Variants in MORC1 observed in about 807,000 individuals in gnomAD.
The protein encoded by MORC1 is MORC family CW-type zinc finger 1, also known as MORC family CW-type zinc finger protein 1.
MORC1 carries 59 observed loss-of-function variants against 134.9 expected under a neutral mutation model. The ratio of observed to expected loss-of-function variants is 0.44; its 90% CI spans 0.35 to 0.54. The LOEUF (loss-of-function observed/expected upper bound fraction) is 0.54, where lower values mean the gene tolerates loss of function less well. Ranked by LOEUF, MORC1 falls within the 20% of genes least tolerant of loss-of-function variation. The pLI is 0.00. For missense variants in MORC1, 947 were observed against 1,134.5 expected (o/e 0.83, Z 2.37); for synonymous variants, 395 against 391.7 (o/e 1.01, Z -0.10).
At chr3:109,011,757 G>A (rs1948691117) in intron 17 of MORC1, among the ~76,000 whole-genome samples, 1 of 152,114 alleles carries the variant, frequency 6.6e-6, no homozygotes, top group Admixed American at 6.5e-5. Context: ...CCAACGTCAG[G>A]TGATCCGCCC....
At chr3:109,114,311 T>A (rs575295599) in intron 2 of MORC1, 73 bp downstream of exon 2, 2 of 1,290,790 alleles carry the variant, frequency 1.5e-6, no homozygotes, top group African/African-American at 3.0e-5. Context: ...GATCTTTTTA[T>A]CTTCCCATGT....
At position 109,001,833 on chromosome 3, in the gene MORC1, G is replaced by A. The variant is rs74427951; in HGVS notation, c.2086-1175C>T. Among the ~76,000 whole-genome samples the A allele has an allele frequency of 9.4e-3, 1,424 of 152,194 alleles. 18 individuals are homozygous for A. Among genetic ancestry groups the A allele is most frequent in the African/African-American group, 0.022 (930 of 41,520 alleles). On this transcript the variant is annotated intron_variant, in intron 20 of 27. Coordinates refer to ENST00000232603, the MANE Select transcript of MORC1 (RefSeq NM_014429.4). ...CTCTGAAATCCAGACTCATGTATAT[G>A]ACTTTTCTCTTGGCACATCCTCTTG...
intron 21 of MORC1, among the ~76,000 whole-genome samples, chr3:108,995,267 T>A (rs1948168687): frequency 6.6e-6 from 1 of 152,190 alleles, no homozygotes; most frequent in South Asian, 2.1e-4. Flanking sequence ...CAGACACTGA[T>A]CCTCCTGACA....
chr3:109,003,927 T>C (rs1948471854), intron 20 of MORC1, among the ~76,000 whole-genome samples: 1 of 152,150 alleles, frequency 6.6e-6, no homozygotes, highest in Non-Finnish European at 1.5e-5. Flanking sequence ...CTGTATACCA[T>C]TTGCCGAATA....
At chr3:109,110,102 G>A (rs1321903050) in intron 3 of MORC1, 1 of 152,202 alleles carries the variant, frequency 6.6e-6, no homozygotes, top group Non-Finnish European at 1.5e-5. Flanking sequence ...AGTTAACTGA[G>A]GTGCTTTTTA....
chr3:109,085,353 C>A (rs949319600), intron 8 of MORC1, among the ~76,000 whole-genome samples: 6 of 152,142 alleles, frequency 3.9e-5, no homozygotes, highest in Admixed American at 6.6e-5. Context: ...TATTTGCAAA[C>A]TATCCACCTG....
intron 8 of MORC1, among the ~76,000 whole-genome samples, chr3:109,072,063 G>A (rs1416495240): frequency 6.6e-6 from 1 of 152,126 alleles, no homozygotes; most frequent in African/African-American, 2.4e-5. Flanking sequence ...CCTCTTATTT[G>A]TGATGCTTTT....
intron 23 of MORC1, among the ~76,000 whole-genome samples, chr3:108,980,407 A>G (rs1357630092): frequency 6.6e-6 from 1 of 152,092 alleles, no homozygotes; most frequent in Non-Finnish European, 1.5e-5. Flanking sequence ...TGAAATGCTA[A>G]CTCAACTGCC....
chr3:108,989,921 T>C (rs1264872763), intron 21 of MORC1, among the ~76,000 whole-genome samples: 1 of 152,150 alleles, frequency 6.6e-6, no homozygotes, highest in Non-Finnish European at 1.5e-5. Context: ...GTAGCTCCCA[T>C]AATCCCCACC....
chr3:109,103,762 T>A lies in MORC1; in HGVS notation c.223+87A>T, dbSNP rs144749294. 32 of 1,265,550 alleles carry A rather than the reference T, an allele frequency of 2.5e-5. No individual in the cohort carries two copies. The African/African-American group carries it at 3.3e-4, about 13-fold the overall frequency. The allele number at this position is 1,265,550 out of a possible 1,614,324, so 78.4% of individuals were successfully genotyped here. ...TTCTTTAATAGCTCCATACCTGTTT[T>A]TGCATAGATAGCTCAATTTATTTAT... is the stretch of plus-strand genomic sequence containing the variant. On this transcript the variant is annotated intron_variant, in intron 4 of 27. Transcript: ENST00000232603.
chr3:109,058,731 A>C (rs1430852655), intron 12 of MORC1, among the ~76,000 whole-genome samples: 2 of 152,070 alleles, frequency 1.3e-5, no homozygotes, highest in East Asian at 3.9e-4. Context: ...TATTCAACAA[A>C]AGTACTGACT....
At chr3:109,088,934 G>C (rs1950666097) in intron 8 of MORC1, among the ~76,000 whole-genome samples, 1 of 152,058 alleles carries the variant, frequency 6.6e-6, no homozygotes, top group Admixed American at 6.5e-5. Flanking sequence ...AGAGCTGGAG[G>C]CTGTTATTTT....
In MORC1 at chr3:108,963,452, G is replaced by A. The variant is rs748962195; in HGVS notation, c.2761C>T (p.Arg921Cys). ...TGCAACAATAGTGCCAGTTTTATAC[G>A]AAGATTCTTCAGCTTATCCTCAGAG... Reference protein sequence around the residue: ...KISEDKLKNLRIKLALLLQKL... With the variant: ...KISEDKLKNLCIKLALLLQKL... Residue 921 changes from arginine to cysteine, a missense_variant, in exon 27 of 28, where the codon CGT becomes TGT. Physicochemically the swap from Arg to Cys is radical, Grantham distance 180 (BLOSUM62 -3). Around this residue, in one of 3 missense-constraint regions of MORC1, gnomAD observed 722 missense variants for 817.0 expected, o/e 0.88. Transcript: ENST00000232603. The A allele has an allele frequency of 8.7e-6, 14 of 1,610,410 alleles. No individual in the cohort carries two copies. The highest frequency in any genetic ancestry group is 5.4e-5 in the African/African-American group (4 of 74,666).
intron 27 of MORC1, among the ~76,000 whole-genome samples, chr3:108,960,747 C>T (rs1480117852): frequency 6.6e-6 from 1 of 151,904 alleles, no homozygotes; most frequent in East Asian, 1.9e-4. Context: ...ACAGTTTTGA[C>T]AGGAAATCAT....
intron 24 of MORC1, among the ~76,000 whole-genome samples, chr3:108,972,373 G>A (rs547589671): frequency 3.9e-4 from 60 of 152,070 alleles, no homozygotes; most frequent in Non-Finnish European, 7.1e-4. Context: ...AAATAATATG[G>A]TATACCAAAG....
chr3:109,058,023 T>G (rs1305716860), intron 12 of MORC1, among the ~76,000 whole-genome samples: 2 of 152,250 alleles, frequency 1.3e-5, no homozygotes, highest in African/African-American at 4.8e-5. Context: ...CTCCTGTTTT[T>G]CTGACTGACC....
At chr3:108,987,064 G>C in intron 21 of MORC1, 115 bp from the exon 22 acceptor site, 1 of 677,720 alleles carries the variant, frequency 1.5e-6, no homozygotes, top group East Asian at 2.9e-5. Context: ...AATGTTAGCA[G>C]CAGTAAAGCT....
At chr3:108,989,152 C>G (rs1947978651) in intron 21 of MORC1, among the ~76,000 whole-genome samples, 1 of 152,238 alleles carries the variant, frequency 6.6e-6, no homozygotes, top group East Asian at 1.9e-4. Flanking sequence ...AGAAAACAGA[C>G]AGTTGTTTTT....
rs116513843 is a variant in MORC1 at position 109,025,982 on chromosome 3, T to C, written c.1704+1769A>G. Among the ~76,000 whole-genome samples, 1,276 of 152,248 alleles carry C rather than the reference T, an allele frequency of 8.4e-3. 21 individuals carry two copies. The highest frequency in any genetic ancestry group is 0.029 in the African/African-American group (1,212 of 41,544). Reference sequence around the variant, plus strand: ...CCCCTGCTCTCACAGAACTTACATTTTGGTATTACAGATACTCTGTATTTC... The same window carrying C: ...CCCCTGCTCTCACAGAACTTACATTCTGGTATTACAGATACTCTGTATTTC... On this transcript the variant is annotated intron_variant, in intron 17 of 27. Transcript: ENST00000232603.
Sources: gnomAD v4.1 joint callset for allele counts (sites outside exome capture counted in the v4.1 genomes callset) on GRCh38, gnomAD v4.1.1 for gene constraint, gnomAD v4.1.1 regional missense constraint, MANE v1.5 for transcripts, NCBI Gene and HGNC (gene_info 2026-07-23, HGNC 2026-07-21) for gene names.